THADA: variants seen among roughly 807,000 people sequenced by gnomAD.
THADA encodes the protein THADA armadillo repeat containing.
A neutral mutation model predicts 219.8 loss-of-function variants in THADA; 213 were observed. That is an observed-to-expected ratio of 0.97 (90% CI 0.87 to 1.09). The LOEUF is 1.09. THADA is among the 50% of genes least tolerant of loss of function. THADA has a pLI of 0.00. For synonymous variants in THADA, 1,018 were observed against 828.9 expected (o/e 1.23, Z -3.92); for missense variants, 2,956 against 2,311.3 (o/e 1.28, Z -5.72).
intron 24 of THADA, among the ~76,000 whole-genome samples, chr2:43,503,374 G>T (rs1388697610): frequency 1.3e-5 from 2 of 152,138 alleles, no homozygotes; most frequent in African/African-American, 4.8e-5. Context: ...AAGTGAACAG[G>T]GGCTGAACAG....
intron 12 of THADA, among the ~76,000 whole-genome samples, chr2:43,572,161 C>A (rs577088049): frequency 6.6e-6 from 1 of 152,264 alleles, no homozygotes; most frequent in African/African-American, 2.4e-5. Context: ...TACCCCATCA[C>A]CTCACTCTTA....
chr2:43,238,945 G>A (rs558194890), intron 36 of THADA, among the ~76,000 whole-genome samples: 8 of 152,178 alleles, frequency 5.3e-5, no homozygotes, highest in East Asian at 1.9e-4. Flanking sequence ...AATGATCTCC[G>A]AGGCTCTTCC....
chr2:43,372,919 C>G (rs6544648), intron 29 of THADA, among the ~76,000 whole-genome samples: 1 of 151,894 alleles, frequency 6.6e-6, no homozygotes, highest in Non-Finnish European at 1.5e-5. Context: ...AGCCAGGCTG[C>G]TCTTGGACTC....
At chr2:43,516,709 TAATA>T (rs1273436977) in intron 22 of THADA, among the ~76,000 whole-genome samples, 1 of 152,144 alleles carries the variant, frequency 6.6e-6, no homozygotes, top group Non-Finnish European at 1.5e-5. Flanking sequence ...AGCCCTTGCC[TAATA>T]AAAAGGCATT....
At chr2:43,405,599 T>C (rs1675441130) in intron 28 of THADA, among the ~76,000 whole-genome samples, 1 of 152,238 alleles carries the variant, frequency 6.6e-6, no homozygotes, top group African/African-American at 2.4e-5. Context: ...TTGCATTGAC[T>C]GTAATCTTGC....
At chr2:43,386,765 C>T (rs775393727) in intron 29 of THADA, among the ~76,000 whole-genome samples, 11 of 151,752 alleles carry the variant, frequency 7.2e-5, no homozygotes, top group Non-Finnish European at 1.5e-4. Context: ...GTGCCAGTGG[C>T]GCGTGCCTGT....
At chr2:43,426,491 G>A (rs1294103994) in intron 28 of THADA, among the ~76,000 whole-genome samples, 2 of 152,128 alleles carry the variant, frequency 1.3e-5, no homozygotes, top group East Asian at 3.9e-4. Context: ...CAATTTTTAA[G>A]GCCCCTGAAA....
chr2:43,460,150 A>G (rs2104925369), intron 26 of THADA, among the ~76,000 whole-genome samples: 1 of 151,070 alleles, frequency 6.6e-6, no homozygotes, highest in East Asian at 2.0e-4. Context: ...CATCTGCTGA[A>G]GTGAATTAAA....
chr2:43,574,967 T>C lies in THADA; in HGVS notation c.1098A>G (p.Ser366=), dbSNP rs745404903. Residue 366 remains serine (S), a synonymous_variant, in exon 11 of 38, where the codon TCA becomes TCG. Coordinates refer to ENST00000405975, the MANE Select transcript of THADA (RefSeq NM_022065.5). The part of the protein sequence containing the change: ...LSRILASWTN[S]AIQVLESSSP... ...AACTTGATTCAAGGACTTGTATGGC[T>C]GAATTAGTCCAGGATGCTAAGATTC... 5.6e-6 allele frequency: 9 copies of C among 1,614,006 alleles called. No individual in the cohort carries two copies. In the South Asian group the frequency reaches 9.9e-5, roughly 18 times the overall value.
chr2:43,264,730 C>G (rs568932601), intron 36 of THADA, among the ~76,000 whole-genome samples: 1 of 151,962 alleles, frequency 6.6e-6, no homozygotes, highest in Non-Finnish European at 1.5e-5. Context: ...AAGGGAGGAG[C>G]CTGGGGGAAA....
chr2:43,454,465 G>A (rs1682739762), intron 26 of THADA, among the ~76,000 whole-genome samples: 1 of 152,002 alleles, frequency 6.6e-6, no homozygotes, highest in Non-Finnish European at 1.5e-5. Flanking sequence ...AGCCAGGTGT[G>A]TTGGTGTGAG....
At chr2:43,379,040 G>A (rs1671706310) in intron 29 of THADA, among the ~76,000 whole-genome samples, 4 of 152,154 alleles carry the variant, frequency 2.6e-5, no homozygotes, top group African/African-American at 9.7e-5. Context: ...ATAATGAACA[G>A]AGAAATTGGT....
intron 29 of THADA, among the ~76,000 whole-genome samples, chr2:43,365,286 T>C (rs1669998024): frequency 6.6e-6 from 1 of 151,970 alleles, no homozygotes; most frequent in Non-Finnish European, 1.5e-5. Flanking sequence ...GGCGCAAGAA[T>C]ATACGCAGAT....
intron 24 of THADA, among the ~76,000 whole-genome samples, chr2:43,501,307 C>A (rs372876246): frequency 0.076 from 1,155 of 15,114 alleles, 90 homozygotes; most frequent in African/African-American, 0.2. Context: ...ACTCCAACTC[C>A]AAAAAAAAAA....
At chr2:43,275,071 T>C (rs1302407611) in intron 36 of THADA, among the ~76,000 whole-genome samples, 1 of 149,974 alleles carries the variant, frequency 6.7e-6, no homozygotes, top group Non-Finnish European at 1.5e-5. Flanking sequence ...CTTGGCTCAC[T>C]GCATTACTGC....
At chr2:43,513,871 T>C (rs1303028267) in intron 22 of THADA, among the ~76,000 whole-genome samples, 1 of 152,108 alleles carries the variant, frequency 6.6e-6, no homozygotes, top group Non-Finnish European at 1.5e-5. Flanking sequence ...TTTAGGATAC[T>C]GAAGTGATAA....
intron 28 of THADA, among the ~76,000 whole-genome samples, chr2:43,420,867 G>A (rs953169151): frequency 6.6e-6 from 1 of 152,062 alleles, no homozygotes; most frequent in Admixed American, 6.6e-5. Flanking sequence ...AGCTACCCTG[G>A]GTAGAATTCA....
Position 43,271,988 on chromosome 2 carries a change from T to C in THADA, c.5296+7777A>G, listed in dbSNP as rs539063345. ...AAAATTATGCAGATAATTAAACCAG[T>C]GGGGTGAATGATAGCAAATAACTGG... On this transcript the variant is annotated intron_variant, in intron 36 of 37. Transcript: ENST00000405975. Among the ~76,000 whole-genome samples the C allele has an allele frequency of 2.0e-5, 3 of 152,094 alleles. No homozygotes were observed. In the South Asian group the frequency reaches 6.2e-4, roughly 32 times the overall value.
intron 30 of THADA, among the ~76,000 whole-genome samples, chr2:43,340,429 C>A (rs1292061448): frequency 1.3e-5 from 2 of 152,194 alleles, no homozygotes; most frequent in Non-Finnish European, 2.9e-5. Context: ...CCCTCAATTT[C>A]AGAGTCAAAA....
Sources: gnomAD v4.1 joint callset for allele counts (sites outside exome capture counted in the v4.1 genomes callset) on GRCh38, gnomAD v4.1.1 for gene constraint, MANE v1.5 for transcripts, NCBI Gene and HGNC (gene_info 2026-07-23, HGNC 2026-07-21) for gene names.